The following OAT variants were observed in gnomAD, a reference collection of about 807,000 sequenced individuals.
OAT encodes ornithine aminotransferase.
In OAT, 35 loss-of-function variants were observed where a neutral mutation model predicts 48.4. That is an observed-to-expected ratio of 0.72 (90% CI 0.55 to 0.96). OAT has a LOEUF of 0.96. Ranked by LOEUF, OAT falls within the 40% of genes least tolerant of loss-of-function variation. OAT has a pLI of 0.00. For synonymous variants in OAT, 182 were observed against 198.4 expected, an observed-to-expected ratio of 0.92 and a Z score of 0.70; for missense variants, 438 against 537.9, an observed-to-expected ratio of 0.81 and a Z score of 1.84.
In OAT at chr10:124,415,074, T is replaced by TGGGTCGCTA; in HGVS notation, c.-29-2875_-29-2874insTAGCGACCC. 2 of 16,858 alleles carry TGGGTCGCTA rather than the reference T, an allele frequency of 1.2e-4. 1 individual carries two copies. Among genetic ancestry groups the TGGGTCGCTA allele is most frequent in the East Asian group, 3.8e-3 (2 of 530 alleles). The allele number at this position is 16,858 out of a possible 1,614,324, so 1.0% of individuals were successfully genotyped here. Reference sequence around the variant, plus strand: ...CACTCCAGCCTGGGCTACAAAGCGCTAAAAAAAAAAAAAAAAAAAAAAAAA... The same window carrying TGGGTCGCTA: ...CACTCCAGCCTGGGCTACAAAGCGCTGGGTCGCTAAAAAAAAAAAAAAAAAAAAAAAAAA... On this transcript the variant is annotated intron_variant, in intron 1 of 9. Coordinates refer to ENST00000368845, the MANE Select transcript of OAT (RefSeq NM_000274.4).
At chr10:124,416,024 C>A (rs1951909284) in intron 1 of OAT, among the ~76,000 whole-genome samples, 1 of 152,302 alleles carries the variant, frequency 6.6e-6, no homozygotes, top group Admixed American at 6.5e-5. Context: ...TGCATGATAA[C>A]CATTAACATT....
chr10:124,399,526 T>C (rs1951341543), intron 9 of OAT, among the ~76,000 whole-genome samples: 1 of 151,892 alleles, frequency 6.6e-6, no homozygotes, highest in African/African-American at 2.4e-5. Context: ...TTTGTATTTT[T>C]AGTAGAGATG....
At chr10:124,417,596 C>T (rs979334897) in intron 1 of OAT, among the ~76,000 whole-genome samples, 5 of 152,182 alleles carry the variant, frequency 3.3e-5, no homozygotes, top group African/African-American at 1.2e-4. Context: ...TAAAAATAAG[C>T]TTTTTAATTT....
At chr10:124,415,367 G>C (rs1323725565) in intron 1 of OAT, among the ~76,000 whole-genome samples, 3 of 152,094 alleles carry the variant, frequency 2.0e-5, no homozygotes, top group Non-Finnish European at 4.4e-5. Flanking sequence ...CTGGGCTCAA[G>C]GGATCCTTCT....
chr10:124,403,967 A>C (rs1195922441), intron 5 of OAT, 47 bp from the exon 6 acceptor site: 1 of 1,611,388 alleles, frequency 6.2e-7, no homozygotes, highest in African/African-American at 1.3e-5. Context: ...TTTCTACCAC[A>C]CTTGGAAATC....
chr10:124,404,158 G>A (rs1025962365), intron 5 of OAT, among the ~76,000 whole-genome samples: 1 of 151,962 alleles, frequency 6.6e-6, no homozygotes, highest in Non-Finnish European at 1.5e-5. Flanking sequence ...CTGGAGTATA[G>A]CAGCACAAAC....
At chr10:124,418,097 C>G (rs1951975254) in intron 1 of OAT, 1 of 152,322 alleles carries the variant, frequency 6.6e-6, no homozygotes, top group African/African-American at 2.4e-5. Flanking sequence ...AAAAAGCCCC[C>G]AACGGGAGGT....
chr10:124,406,065 T>G, intron 4 of OAT: 3 of 1,027,302 alleles, frequency 2.9e-6, no homozygotes, highest in South Asian at 7.3e-5. Flanking sequence ...TCCAAACACG[T>G]TTCCATTTTA....
At chr10:124,409,698 T>C (rs1184014223) in intron 2 of OAT, among the ~76,000 whole-genome samples, 1 of 152,082 alleles carries the variant, frequency 6.6e-6, no homozygotes, top group Non-Finnish European at 1.5e-5. Context: ...GGATCTAATA[T>C]CCAGAATTCT....
intron 7 of OAT, among the ~76,000 whole-genome samples, chr10:124,402,690 C>A (rs535320310): frequency 6.6e-6 from 1 of 152,084 alleles, no homozygotes; most frequent in Non-Finnish European, 1.5e-5. Context: ...CTGTTTCCAC[C>A]CAAATCCAAT....
At chr10:124,409,543 C>A (rs1352570832) in intron 2 of OAT, among the ~76,000 whole-genome samples, 1 of 119,450 alleles carries the variant, frequency 8.4e-6, no homozygotes, top group Non-Finnish European at 1.7e-5. Flanking sequence ...AGAGCAAAAT[C>A]CTGCCTATAA....
At chr10:124,405,889 T>C (rs763894809) in intron 4 of OAT, 41 of 1,188,342 alleles carry the variant, frequency 3.5e-5, no homozygotes, top group Non-Finnish European at 4.0e-5. Flanking sequence ...GCCCTAACAA[T>C]TGAGGTCTTG....
intron 7 of OAT, among the ~76,000 whole-genome samples, chr10:124,402,700 T>C (rs935002201): frequency 2.6e-5 from 4 of 152,196 alleles, no homozygotes; most frequent in Non-Finnish European, 5.9e-5. Flanking sequence ...CCAAATCCAA[T>C]GTCATAGCAA....
intron 9 of OAT, among the ~76,000 whole-genome samples, chr10:124,399,169 G>A (rs1295794059): frequency 6.6e-6 from 1 of 151,964 alleles, no homozygotes; most frequent in African/African-American, 2.4e-5. Flanking sequence ...AAAGGGACTC[G>A]CTTCCTGAGC....
At chr10:124,403,729 G>C in intron 6 of OAT, 69 bp downstream of exon 6, 1 of 1,602,390 alleles carries the variant, frequency 6.2e-7, no homozygotes, top group Non-Finnish European at 8.5e-7. Flanking sequence ...TTGGGGAGGA[G>C]CCCATTCAGC....
At chr10:124,405,167 A>G (rs962138749) in intron 5 of OAT, among the ~76,000 whole-genome samples, 2 of 152,232 alleles carry the variant, frequency 1.3e-5, no homozygotes, top group Admixed American at 6.5e-5. Context: ...CAGAAATTTT[A>G]CCTAGTAAGT....
chr10:124,403,329 GT>G (rs1420675866), intron 6 of OAT: 2 of 523,808 alleles, frequency 3.8e-6, no homozygotes, highest in Non-Finnish European at 6.8e-6. Context: ...AAAGGTGAGG[GT>G]TTTGTATGGC....
chr10:124,413,980 A>C (rs1951839448), intron 1 of OAT: 1 of 152,040 alleles, frequency 6.6e-6, no homozygotes, highest in Non-Finnish European at 1.5e-5. Flanking sequence ...TATGAAAGAA[A>C]CTAATAATTA....
At chr10:124,399,351 T>TC (rs888180370) in intron 9 of OAT, among the ~76,000 whole-genome samples, 5 of 143,350 alleles carry the variant, frequency 3.5e-5, no homozygotes, top group Non-Finnish European at 6.1e-5. Flanking sequence ...TTTTTTTTTT[T>TC]TTTTTTTTTT....
Sources: allele counts gnomAD v4.1 joint callset (sites outside exome capture counted in the v4.1 genomes callset), GRCh38; gene constraint gnomAD v4.1.1; transcripts MANE v1.5; gene names NCBI Gene and HGNC (gene_info 2026-07-23, HGNC 2026-07-21).